Variants in XXYLT1 observed in about 807,000 individuals in gnomAD.
The protein encoded by XXYLT1 is xyloside xylosyltransferase 1, also known as UDP-xylose:alpha-xyloside alpha-1,3-xylosyltransferase.
Under a neutral mutation model 28.9 loss-of-function variants are expected in XXYLT1, and 20 were observed. The observed-to-expected ratio is 0.69, with a 90% CI of 0.49 to 1.00. The LOEUF is 1.00. XXYLT1 is among the 50% of genes least tolerant of loss of function. The pLI is 0.00. For missense variants in XXYLT1, 542 were observed against 560.1 expected (o/e 0.97, Z 0.33); for synonymous variants, 257 against 253.8 (o/e 1.01, Z -0.12).
At chr3:195,079,234 G>T (rs10933695) in intron 3 of XXYLT1, among the ~76,000 whole-genome samples, 14 of 152,114 alleles carry the variant, frequency 9.2e-5, no homozygotes, top group East Asian at 7.7e-4. Context: ...GGATGGAGAC[G>T]GGGAAGCCAC....
At chr3:195,219,062 A>T (rs1042508402) in intron 2 of XXYLT1, among the ~76,000 whole-genome samples, 1 of 152,056 alleles carries the variant, frequency 6.6e-6, no homozygotes, top group Non-Finnish European at 1.5e-5. Context: ...AACTATCACA[A>T]GAACAAAAAA....
At chr3:195,208,155 C>T (rs1192321724) in intron 2 of XXYLT1, among the ~76,000 whole-genome samples, 1 of 152,228 alleles carries the variant, frequency 6.6e-6, no homozygotes, top group Non-Finnish European at 1.5e-5. Context: ...AGAGGCTGCC[C>T]ACCACATACC....
chr3:195,194,855 G>C (rs907135354), intron 2 of XXYLT1, among the ~76,000 whole-genome samples: 1 of 152,104 alleles, frequency 6.6e-6, no homozygotes, highest in Non-Finnish European at 1.5e-5. Flanking sequence ...TTACCAGAAA[G>C]GGCAAATTTA....
chr3:195,215,271 C>G (rs1226910253), intron 2 of XXYLT1, among the ~76,000 whole-genome samples: 1 of 145,196 alleles, frequency 6.9e-6, no homozygotes, highest in Non-Finnish European at 1.5e-5. Flanking sequence ...AACTAACGAG[C>G]AAAATAACCA....
At chr3:195,110,356 T>TATGTGTGC (rs1560100910) in intron 3 of XXYLT1, among the ~76,000 whole-genome samples, 1 of 92,168 alleles carries the variant, frequency 1.1e-5, no homozygotes, top group African/African-American at 4.5e-5. Flanking sequence ...GTGTGTGGTG[T>TATGTGTGC]ATGTGCGTGC....
At chr3:195,252,711 CACACACACACACACACAGAGAG>C (rs1163818474) in intron 1 of XXYLT1, among the ~76,000 whole-genome samples, 2 of 142,502 alleles carry the variant, frequency 1.4e-5, no homozygotes, top group African/African-American at 5.9e-5. Flanking sequence ...CACACACACA[CACACACACACACACACAGAGAG>C]AGAGAGAGAG....
At chr3:195,083,942 T>C (rs12633205) in intron 3 of XXYLT1, among the ~76,000 whole-genome samples, 20,572 of 151,906 alleles carry the variant, frequency 0.14, 1,570 homozygotes, top group East Asian at 0.32. Flanking sequence ...AGGAGCATGG[T>C]TTGAACCCAG....
chr3:195,108,102 C>G (rs976851811), intron 3 of XXYLT1, among the ~76,000 whole-genome samples: 3 of 152,210 alleles, frequency 2.0e-5, no homozygotes, highest in Admixed American at 6.5e-5. Context: ...TTTCATCTTA[C>G]AGAGAGACCT....
chr3:195,218,567 CT>C (rs1327651086), intron 2 of XXYLT1, among the ~76,000 whole-genome samples: 1 of 151,832 alleles, frequency 6.6e-6, no homozygotes, highest in African/African-American at 2.4e-5. Flanking sequence ...TGAAAAAATG[CT>C]CATCATCACT....
At chr3:195,245,841 C>T (rs1301652674) in intron 1 of XXYLT1, among the ~76,000 whole-genome samples, 2 of 152,224 alleles carry the variant, frequency 1.3e-5, no homozygotes, top group African/African-American at 2.4e-5. Flanking sequence ...CCTGCCCCTG[C>T]TCTCACCCTG....
At chr3:195,143,809 T>TATATATAG (rs1553809453) in intron 3 of XXYLT1, among the ~76,000 whole-genome samples, 6 of 101,102 alleles carry the variant, frequency 5.9e-5, no homozygotes, top group Non-Finnish European at 1.0e-4. Context: ...TAGATAGATA[T>TATATATAG]ATATAGATAT....
intron 1 of XXYLT1, among the ~76,000 whole-genome samples, chr3:195,251,584 C>G (rs1411446667): frequency 6.6e-6 from 1 of 152,220 alleles, no homozygotes; most frequent in Non-Finnish European, 1.5e-5. Context: ...CACAGAGACT[C>G]TGAACGCTCT....
intron 3 of XXYLT1, among the ~76,000 whole-genome samples, chr3:195,105,291 A>C (rs1400300050): frequency 6.6e-6 from 1 of 152,258 alleles, no homozygotes; most frequent in African/African-American, 2.4e-5. Flanking sequence ...ATATATAAGC[A>C]TATGTTTTAA....
intron 1 of XXYLT1, among the ~76,000 whole-genome samples, chr3:195,260,540 C>T (rs570398538): frequency 1.3e-5 from 2 of 152,240 alleles, no homozygotes; most frequent in African/African-American, 2.4e-5. Context: ...TCCTCCCGTC[C>T]CGGGCGAGGC....
At chr3:195,179,223 C>T (rs1459818722) in intron 2 of XXYLT1, among the ~76,000 whole-genome samples, 1 of 151,956 alleles carries the variant, frequency 6.6e-6, no homozygotes, top group East Asian at 1.9e-4. Context: ...GCCTGTAATC[C>T]CAGCCACTCG....
At chr3:195,136,300 A>G (rs1719196635) in intron 3 of XXYLT1, among the ~76,000 whole-genome samples, 1 of 152,170 alleles carries the variant, frequency 6.6e-6, no homozygotes, top group Non-Finnish European at 1.5e-5. Context: ...TATCTTTAAC[A>G]TACACCTGTA....
chr3:195,143,874 A>ATC lies in XXYLT1; in HGVS notation c.785+12574_785+12575insGA, dbSNP rs1182201252. Among the ~76,000 whole-genome samples the ATC allele has an allele frequency of 9.3e-5, 10 of 107,606 alleles. 1 individual carries two copies. Among genetic ancestry groups the ATC allele is most frequent in the Admixed American group, 5.5e-4 (6 of 10,878 alleles). 70.6% of individuals were successfully genotyped at this position (107,606 alleles called of 152,430 possible). On this transcript the variant is annotated intron_variant, in intron 3 of 3. Coordinates refer to ENST00000310380, the MANE Select transcript of XXYLT1 (RefSeq NM_152531.5). ...TATATAGATATATATAGATATAGAT[A>ATC]TATATATATATATATTTATTTTTTA...
At chr3:195,091,924 C>G (rs1342503418) in intron 3 of XXYLT1, among the ~76,000 whole-genome samples, 10 of 45,880 alleles carry the variant, frequency 2.2e-4, no homozygotes. Flanking sequence ...AACTCCCATT[C>G]ACAATTGCTT....
intron 3 of XXYLT1, among the ~76,000 whole-genome samples, chr3:195,088,151 A>G (rs893653415): frequency 4.8e-5 from 7 of 146,048 alleles, no homozygotes; most frequent in East Asian, 3.9e-4. Flanking sequence ...TAAACAAAGC[A>G]GCCGGGAAGC....
Sources: gnomAD v4.1 joint callset for allele counts (sites outside exome capture counted in the v4.1 genomes callset) on GRCh38, gnomAD v4.1.1 for gene constraint, MANE v1.5 for transcripts, NCBI Gene and HGNC (gene_info 2026-07-23, HGNC 2026-07-21) for gene names.